PARD6G: variants seen among roughly 807,000 people sequenced by gnomAD.
The protein encoded by PARD6G is partitioning defective 6 homolog gamma.
In PARD6G, 7 loss-of-function variants were observed where a neutral mutation model predicts 10.7. That is an observed-to-expected ratio of 0.66 (90% confidence interval 0.37 to 1.23). The LOEUF (loss-of-function observed/expected upper bound fraction) is 1.23. Among genes scored for constraint, PARD6G ranks in the 50% most tolerant of loss-of-function variants. PARD6G has a pLI of 0.02. For synonymous variants in PARD6G, 287 were observed against 269.4 expected, an observed-to-expected ratio of 1.07 and a Z score of -0.64; for missense variants, 548 against 571.8, an observed-to-expected ratio of 0.96 and a Z score of 0.42.
intron 1 of PARD6G, among the ~76,000 whole-genome samples, chr18:80,226,164 T>G (rs59155306): frequency 0.13 from 15,211 of 113,456 alleles, 3,432 homozygotes; most frequent in South Asian, 0.3. Context: ...TTTTTTTTTT[T>G]TTTTTTTTTT....
Position 80,231,302 on chromosome 18 carries a change from A to G in PARD6G, c.72+15975T>C, listed in dbSNP as rs1165932191. 1.3e-5 allele frequency among the ~76,000 whole-genome samples: 2 copies of G among 152,248 alleles called. No individual in the cohort carries two copies. Among genetic ancestry groups the G allele is most frequent in the African/African-American group, 2.4e-5 (1 of 41,468 alleles). ...AGGCTGCGCATCTGTCCCTGCCTTC[A>G]TAAGACTTTCCTGAAAGGTAAATTC... On this transcript the variant is annotated intron_variant, in intron 1 of 2. Transcript: ENST00000353265. This position sits in a 1 kb window ranked among gnomAD's most constrained non-coding sequence, Gnocchi z 4.2.
intron 2 of PARD6G, among the ~76,000 whole-genome samples, chr18:80,160,985 A>ATATT (rs997204728): frequency 6.6e-6 from 1 of 152,128 alleles, no homozygotes; most frequent in African/African-American, 2.4e-5. Flanking sequence ...CCATTCTCCC[A>ATATT]TATTTCCTTC....
At chr18:80,225,071 A>G (rs1185653670) in intron 1 of PARD6G, among the ~76,000 whole-genome samples, 1 of 152,062 alleles carries the variant, frequency 6.6e-6, no homozygotes, top group Admixed American at 6.5e-5. Context: ...TGACTAAAAA[A>G]CTTTAGGATG....
At chr18:80,213,928 A>G (rs1421712710) in intron 1 of PARD6G, among the ~76,000 whole-genome samples, 1 of 146,236 alleles carries the variant, frequency 6.8e-6, no homozygotes, top group Admixed American at 6.9e-5. Flanking sequence ...ACTGCACTCC[A>G]AGAGTGAGAC....
intron 1 of PARD6G, among the ~76,000 whole-genome samples, chr18:80,237,132 G>A (rs1475085066): frequency 6.6e-6 from 1 of 151,700 alleles, no homozygotes; most frequent in Non-Finnish European, 1.5e-5. Context: ...AAACAGCATG[G>A]TACTGGTACC....
chr18:80,245,166 G>A (rs1040979531), intron 1 of PARD6G, among the ~76,000 whole-genome samples: 20 of 152,220 alleles, frequency 1.3e-4, no homozygotes, highest in African/African-American at 4.3e-4. Context: ...AGGGAAGGCA[G>A]AGGCAGCCTC....
rs12963163 is a variant in PARD6G at position 80,182,722 on chromosome 18, G to T, written c.295+19988C>A. ...ACCTGGGTGTTGAAAACCACCTTGAGCCCAAATCCACCTGCACCATTGATT... is the reference window on the plus strand; with the variant it reads ...ACCTGGGTGTTGAAAACCACCTTGATCCCAAATCCACCTGCACCATTGATT... On this transcript the variant is annotated intron_variant, in intron 2 of 2. Transcript: ENST00000353265. The surrounding 1 kb of genome is among the most constrained non-coding windows in gnomAD (Gnocchi z 4.5). The T allele has an allele frequency of 0.21, 36,370 of 173,698 alleles. 5,230 individuals are homozygous for T. The highest frequency in any genetic ancestry group is 0.42 in the African/African-American group (17,832 of 42,316). The allele number at this position is 173,698 out of a possible 1,614,324, so 10.8% of individuals were successfully genotyped here.
At chr18:80,174,378 G>T (rs1461783346) in intron 2 of PARD6G, among the ~76,000 whole-genome samples, 1 of 152,178 alleles carries the variant, frequency 6.6e-6, no homozygotes, top group Non-Finnish European at 1.5e-5. Context: ...GGTGACAGCA[G>T]GGTGATCGAC....
intron 1 of PARD6G, among the ~76,000 whole-genome samples, chr18:80,219,252 A>T (rs1218146937): frequency 6.6e-6 from 1 of 152,084 alleles, no homozygotes; most frequent in African/African-American, 2.4e-5. Context: ...CTCTTGTCCC[A>T]GACTGGAGTG....
At chr18:80,218,505 C>A (rs1967194584) in intron 1 of PARD6G, among the ~76,000 whole-genome samples, 1 of 152,194 alleles carries the variant, frequency 6.6e-6, no homozygotes, top group Non-Finnish European at 1.5e-5. Flanking sequence ...GCTCCCATGG[C>A]CTTGGGCAGC....
Position 80,160,117 on chromosome 18 carries a change from G to A in PARD6G, c.785C>T (p.Ala262Val), listed in dbSNP as rs1261130113. The change falls in exon 3 of 3, where the codon GCG becomes GTG. Residue 262 changes from alanine to valine, a missense_variant. Ala to Val is a moderately conservative substitution (Grantham distance 64). Around this residue, in one of 2 missense-constraint regions of PARD6G, gnomAD observed 313 missense variants for 279.9 expected, o/e 1.12. Coordinates refer to ENST00000353265, the MANE Select transcript of PARD6G (RefSeq NM_032510.4). ...QRNNVVRGGR[A>V]LGSSGPPSDG... ...CGAGGGCGGTCCCGAGCTGCCCAAC[G>A]CGCGGCCGCCGCGCACCACGTTGTT... 2 of 1,611,226 alleles carry A rather than the reference G, an allele frequency of 1.2e-6. No homozygotes were observed. Among genetic ancestry groups the A allele is most frequent in the Non-Finnish European group, 1.7e-6 (2 of 1,179,066 alleles).
At position 80,180,904 on chromosome 18, in the gene PARD6G, G is replaced by A. The variant is rs972579633; in HGVS notation, c.296-20298C>T. On this transcript the variant is annotated intron_variant, in intron 2 of 2. Coordinates refer to ENST00000353265, the MANE Select transcript of PARD6G (RefSeq NM_032510.4). The surrounding 1 kb of genome is among the most constrained non-coding windows in gnomAD (Gnocchi z 5.6). Reference sequence around the variant, plus strand: ...AAGCTCCTGGTATCTAGACAGCAGAGGCCGGGGCACCGATAGCTCTCCACA... The same window carrying A: ...AAGCTCCTGGTATCTAGACAGCAGAAGCCGGGGCACCGATAGCTCTCCACA... Among the ~76,000 whole-genome samples, 1 of 152,176 alleles carries A rather than the reference G, an allele frequency of 6.6e-6. No homozygotes were observed. The highest frequency in any genetic ancestry group is 1.9e-4 in the East Asian group (1 of 5,178).
At chr18:80,209,768 C>T (rs957665166) in intron 1 of PARD6G, among the ~76,000 whole-genome samples, 1 of 152,142 alleles carries the variant, frequency 6.6e-6, no homozygotes, top group African/African-American at 2.4e-5. Flanking sequence ...AGTGAGACTG[C>T]ACCATTGCAC....
At position 80,159,659 on chromosome 18, in the gene PARD6G, G is replaced by T. The variant is rs1230969039; in HGVS notation, c.*112C>A. Reference sequence around the variant, plus strand: ...TATCCGGAAGTTGAAACAAAGAGCAGCGTTGTTTTTGTGGTCACAAAAACA... The same window carrying T: ...TATCCGGAAGTTGAAACAAAGAGCATCGTTGTTTTTGTGGTCACAAAAACA... On this transcript the variant is annotated 3_prime_UTR_variant, in exon 3 of 3. Transcript: ENST00000353265. The T allele has an allele frequency of 1.5e-6, 2 of 1,295,746 alleles. No individual in the cohort carries two copies. Among genetic ancestry groups the T allele is most frequent in the Non-Finnish European group, 9.8e-7 (1 of 1,015,402 alleles). The allele number at this position is 1,295,746 out of a possible 1,614,324, so 80.3% of individuals were successfully genotyped here. A position where few individuals can be genotyped will look rare whatever the true frequency, so the allele number is the denominator to read the frequency against.
intron 1 of PARD6G, among the ~76,000 whole-genome samples, chr18:80,243,788 A>G (rs1967514320): frequency 6.6e-6 from 1 of 152,120 alleles, no homozygotes; most frequent in South Asian, 2.1e-4. Flanking sequence ...GATAGGGCAG[A>G]TTCTCAGAGA....
At chr18:80,226,096 T>A (rs1172085863) in intron 1 of PARD6G, among the ~76,000 whole-genome samples, 2 of 150,768 alleles carry the variant, frequency 1.3e-5, no homozygotes, top group African/African-American at 4.9e-5. Context: ...TCAAAAGGTA[T>A]TTAGTGAAAT....
At chr18:80,216,552 G>A (rs895943266) in intron 1 of PARD6G, among the ~76,000 whole-genome samples, 4 of 152,000 alleles carry the variant, frequency 2.6e-5, no homozygotes, top group Non-Finnish European at 4.4e-5. Context: ...GAGGAAATTA[G>A]AAAATATGTA....
intron 2 of PARD6G, among the ~76,000 whole-genome samples, chr18:80,176,445 T>C (rs2052808195): frequency 6.6e-6 from 1 of 152,170 alleles, no homozygotes; most frequent in African/African-American, 2.4e-5. Flanking sequence ...TTACAATGTA[T>C]ACTTCCTACT....
intron 1 of PARD6G, among the ~76,000 whole-genome samples, chr18:80,205,465 G>A (rs965108432): frequency 2.0e-5 from 3 of 152,188 alleles, no homozygotes; most frequent in Admixed American, 2.0e-4. Context: ...CAGTGTTGGA[G>A]GAGGGGCCTG....
Sources: allele counts gnomAD v4.1 joint callset (sites outside exome capture counted in the v4.1 genomes callset), GRCh38; gene constraint gnomAD v4.1.1; regional missense constraint gnomAD v4.1.1; non-coding constraint Gnocchi (gnomAD v3.1); transcripts MANE v1.5; gene names NCBI Gene and HGNC (gene_info 2026-07-23, HGNC 2026-07-21).